ZNRF2: variants seen among roughly 807,000 people sequenced by gnomAD.
ZNRF2 encodes the protein zinc and ring finger 2.
A neutral mutation model predicts 20.4 loss-of-function variants in ZNRF2; 16 were observed. That is an observed-to-expected ratio of 0.79 (90% CI 0.53 to 1.19). The LOEUF is 1.19. Among genes scored for constraint, ZNRF2 ranks in the 50% most tolerant of loss-of-function variants. The pLI is 0.00. For synonymous variants in ZNRF2, 178 were observed against 144.9 expected (o/e 1.23, Z -1.64); for missense variants, 363 against 332.4 (o/e 1.09, Z -0.72).
chr7:30,358,395 T>C (rs184067976), intron 3 of ZNRF2, among the ~76,000 whole-genome samples: 223 of 152,336 alleles, frequency 1.5e-3, no homozygotes, highest in African/African-American at 5.0e-3. Flanking sequence ...TTGAAAACTT[T>C]ATTGAAAGAT....
intron 3 of ZNRF2, among the ~76,000 whole-genome samples, chr7:30,358,756 C>G (rs754411446): frequency 6.6e-6 from 1 of 152,196 alleles, no homozygotes. Context: ...TCTGGAGAGA[C>G]AGCATAGCAT....
chr7:30,303,086 G>A (rs1356138340), intron 1 of ZNRF2, among the ~76,000 whole-genome samples: 1 of 151,992 alleles, frequency 6.6e-6, no homozygotes, highest in Non-Finnish European at 1.5e-5. Flanking sequence ...TTCGAAACCA[G>A]CCTGGGCAAC....
At chr7:30,330,132 G>C (rs1196997885) in intron 2 of ZNRF2, among the ~76,000 whole-genome samples, 1 of 152,104 alleles carries the variant, frequency 6.6e-6, no homozygotes, top group African/African-American at 2.4e-5. Context: ...TTAGACTTCT[G>C]TGATTCAAGG....
intron 1 of ZNRF2, among the ~76,000 whole-genome samples, chr7:30,292,189 C>G (rs894361720): frequency 5.3e-5 from 8 of 152,140 alleles, no homozygotes; most frequent in African/African-American, 9.7e-5. Context: ...AATTGCTTTA[C>G]CTGAATCCCA....
chr7:30,327,927 A>G (rs977898298), intron 2 of ZNRF2, among the ~76,000 whole-genome samples: 9 of 152,150 alleles, frequency 5.9e-5, no homozygotes, highest in Non-Finnish European at 1.3e-4. Context: ...ATAAACATTC[A>G]CAGCAAGAAG....
intron 1 of ZNRF2, among the ~76,000 whole-genome samples, chr7:30,318,934 A>G (rs1364690041): frequency 6.6e-6 from 1 of 152,094 alleles, no homozygotes; most frequent in Non-Finnish European, 1.5e-5. Context: ...CAACATGGCA[A>G]AACCCCATCT....
At chr7:30,301,047 T>C (rs1361347312) in intron 1 of ZNRF2, among the ~76,000 whole-genome samples, 1 of 152,222 alleles carries the variant, frequency 6.6e-6, no homozygotes, top group Non-Finnish European at 1.5e-5. Context: ...ATAAGGACTC[T>C]GCATTTATCA....
chr7:30,327,479 A>G (rs1183592194), intron 2 of ZNRF2, among the ~76,000 whole-genome samples: 3 of 152,068 alleles, frequency 2.0e-5, no homozygotes, highest in African/African-American at 7.2e-5. Flanking sequence ...AACTATGCCT[A>G]AGTCATTAAA....
At chr7:30,355,586 G>C (rs969757058) in intron 2 of ZNRF2, 142 bp from the exon 3 acceptor site, 6 of 578,114 alleles carry the variant, frequency 1.0e-5, no homozygotes, top group Non-Finnish European at 1.9e-5. Context: ...TCAAATACAC[G>C]TGCTGAGTTT....
At chr7:30,348,927 A>G (rs972077896) in intron 2 of ZNRF2, among the ~76,000 whole-genome samples, 9 of 152,216 alleles carry the variant, frequency 5.9e-5, no homozygotes, top group African/African-American at 2.2e-4. Context: ...CAACAAAAAC[A>G]GTAGTAGATA....
chr7:30,346,565 A>T (rs1024512297), intron 2 of ZNRF2, among the ~76,000 whole-genome samples: 1 of 151,914 alleles, frequency 6.6e-6, no homozygotes, highest in African/African-American at 2.4e-5. Flanking sequence ...TTTTAATTTT[A>T]ATAACCTAGT....
At chr7:30,346,608 A>G (rs755926517) in intron 2 of ZNRF2, among the ~76,000 whole-genome samples, 19 of 149,940 alleles carry the variant, frequency 1.3e-4, no homozygotes, top group Admixed American at 2.6e-4. Flanking sequence ...CATAATTTCT[A>G]TTTTTGAAAG....
intron 1 of ZNRF2, among the ~76,000 whole-genome samples, chr7:30,316,003 G>A (rs1218197914): frequency 6.6e-6 from 1 of 151,880 alleles, no homozygotes. Context: ...TAAAAGAATT[G>A]TCAGACTAGG....
At chr7:30,327,392 A>T (rs1051853647) in intron 2 of ZNRF2, among the ~76,000 whole-genome samples, 2 of 152,194 alleles carry the variant, frequency 1.3e-5, no homozygotes, top group Admixed American at 6.5e-5. Flanking sequence ...AGCACCATTT[A>T]TTGAATAGGG....
At chr7:30,321,571 C>T (rs1447554832) in intron 1 of ZNRF2, among the ~76,000 whole-genome samples, 1 of 151,984 alleles carries the variant, frequency 6.6e-6, no homozygotes, top group Middle Eastern at 3.4e-3. Flanking sequence ...CTGTTTTTCC[C>T]CTTAGGCTCT....
chr7:30,289,178 T>C (rs979004257), intron 1 of ZNRF2, among the ~76,000 whole-genome samples: 31 of 152,250 alleles, frequency 2.0e-4, no homozygotes, highest in Non-Finnish European at 3.5e-4. Flanking sequence ...TGGGTGTGGC[T>C]TGCTCATGAG....
At chr7:30,305,235 C>G (rs904278004) in intron 1 of ZNRF2, among the ~76,000 whole-genome samples, 1 of 152,154 alleles carries the variant, frequency 6.6e-6, no homozygotes, top group Non-Finnish European at 1.5e-5. Flanking sequence ...TGTTAAATAT[C>G]TACCCGAATA....
chr7:30,290,385 G>A (rs1193201685), intron 1 of ZNRF2, among the ~76,000 whole-genome samples: 1 of 152,202 alleles, frequency 6.6e-6, no homozygotes, highest in Non-Finnish European at 1.5e-5. Flanking sequence ...CAACTTAGCT[G>A]TGTCCTCTTT....
At position 30,285,684 on chromosome 7, in the gene ZNRF2, C is replaced by G. The variant is rs573255306; in HGVS notation, c.327C>G (p.Gly109=). 4.8e-6 allele frequency: 7 copies of G among 1,459,506 alleles called. No homozygotes were observed. In the African/African-American group the frequency reaches 1.0e-4, roughly 22 times the overall value. The allele number at this position is 1,459,506 out of a possible 1,614,324, so 90.4% of individuals were successfully genotyped here. Residue 109 remains glycine (G), a synonymous_variant, in exon 1 of 5, where the codon GGC becomes GGG. Transcript: ENST00000323037. ...TCAGCATCCCGAACAGCAGCAGCGG[C>G]CCGTACGGCTCGCAGGACTCGGTGC... ...SPFSIPNSSS[G]PYGSQDSVHS...
Sources: gnomAD v4.1 joint callset for allele counts (sites outside exome capture counted in the v4.1 genomes callset) on GRCh38, gnomAD v4.1.1 for gene constraint, MANE v1.5 for transcripts, NCBI Gene and HGNC (gene_info 2026-07-23, HGNC 2026-07-21) for gene names.